Variants in RNF32 observed in about 807,000 individuals in gnomAD.
The protein encoded by RNF32 is ring finger protein 32.
RNF32 carries 36 observed loss-of-function variants against 41.0 expected under a neutral mutation model. That is an observed-to-expected ratio of 0.88 (90% CI 0.67 to 1.16). The LOEUF (loss-of-function observed/expected upper bound fraction) is 1.16. Ranked by LOEUF, RNF32 falls within the 50% of genes most tolerant of loss-of-function variation. RNF32 has a pLI of 0.00. For missense variants in RNF32, 413 were observed against 436.7 expected, an observed-to-expected ratio of 0.95 and a Z score of 0.48; for synonymous variants, 154 against 160.9, an observed-to-expected ratio of 0.96 and a Z score of 0.32.
chr7:156,671,918 A>G (rs1303686018), intron 7 of RNF32, among the ~76,000 whole-genome samples: 1 of 152,244 alleles, frequency 6.6e-6, no homozygotes, highest in South Asian at 2.1e-4. Flanking sequence ...AGACAAAATT[A>G]TAATGGAAAT....
At chr7:156,665,295 G>A (rs946906980) in intron 7 of RNF32, among the ~76,000 whole-genome samples, 10 of 152,076 alleles carry the variant, frequency 6.6e-5, no homozygotes, top group African/African-American at 1.2e-4. Flanking sequence ...GTTTTTCTGC[G>A]TAGTATGGGA....
chr7:156,658,450 T>C lies in RNF32; in HGVS notation c.576-12T>C, dbSNP rs779828932. ...ATCATAAATTAGTCATTTTCAAATA[T>C]CTGTGTTTTAGAATCCAAGCCTACT... On this transcript the variant is annotated splice_polypyrimidine_tract_variant and intron_variant, in intron 6 of 8. Coordinates refer to ENST00000317955, the MANE Select transcript of RNF32 (RefSeq NM_030936.4). 4 of 1,599,118 alleles carry C rather than the reference T, an allele frequency of 2.5e-6. No homozygotes were observed. In the South Asian group the frequency reaches 4.4e-5, roughly 18 times the overall value.
chr7:156,654,501 G>T (rs1799296145), intron 3 of RNF32, 75 bp from the exon 4 acceptor site: 13 of 1,267,812 alleles, frequency 1.0e-5, no homozygotes, highest in Non-Finnish European at 1.4e-5. Context: ...TTTGCAAATG[G>T]TGTCATTAAA....
chr7:156,643,874 C>T lies in RNF32; in HGVS notation c.-4C>T. 1.9e-6 allele frequency: 3 copies of T among 1,611,192 alleles called. No homozygotes were observed. The highest frequency in any genetic ancestry group is 1.1e-5 in the South Asian group (1 of 90,920). ...AGCCAAGCAACAACTTTTCCTAATTCGGCATGTTAAAAAATAAGGTACGCT... is the reference window on the plus strand; with the variant it reads ...AGCCAAGCAACAACTTTTCCTAATTTGGCATGTTAAAAAATAAGGTACGCT... On this transcript the variant is annotated 5_prime_UTR_variant, in exon 2 of 9. Transcript: ENST00000317955.
chr7:156,658,091 T>G, intron 5 of RNF32, 37 bp from the exon 6 acceptor site: 1 of 1,595,756 alleles, frequency 6.3e-7, no homozygotes, highest in South Asian at 1.1e-5. Context: ...TTATAAGTAA[T>G]TACTTGTAAA....
At chr7:156,653,222 C>T (rs1799029665) in intron 3 of RNF32, among the ~76,000 whole-genome samples, 1 of 152,152 alleles carries the variant, frequency 6.6e-6, no homozygotes, top group Admixed American at 6.6e-5. Context: ...TGTTTGGAAG[C>T]ACAGATCCTT....
chr7:156,667,410 A>G (rs1801505225), intron 7 of RNF32, among the ~76,000 whole-genome samples: 1 of 152,216 alleles, frequency 6.6e-6, no homozygotes. Flanking sequence ...CAATAACTCA[A>G]ACTCTTATTT....
chr7:156,664,344 C>T (rs1245872638), intron 7 of RNF32, among the ~76,000 whole-genome samples: 1 of 152,080 alleles, frequency 6.6e-6, no homozygotes, highest in Non-Finnish European at 1.5e-5. Flanking sequence ...GCCTGTAATC[C>T]CAGCTACTCA....
intron 3 of RNF32, among the ~76,000 whole-genome samples, chr7:156,650,263 TCAA>T (rs969580412): frequency 3.3e-4 from 50 of 152,278 alleles, no homozygotes; most frequent in African/African-American, 1.1e-3. Context: ...GGGTCAGTCC[TCAA>T]CAACAAGGGA....
rs752508073 is a variant in RNF32 at position 156,676,461 on chromosome 7, CCT to C, written c.901_902del (p.Ser301ArgfsTer60). ...CCACGAGTGCTCCATCTGCCTGGCC[CCT>C]CTCTCCGCTGCTGGCGGTCAGCGCG... ...ETHECSICLAPLSAAGGQRVG... is the reference protein window; with the variant it reads ...ETHECSICLAXLSAAGGQRVG... On this transcript the variant is annotated frameshift_variant, in exon 9 of 9. Coordinates refer to ENST00000317955, the MANE Select transcript of RNF32 (RefSeq NM_030936.4). LOFTEE classifies it low-confidence loss of function (END_TRUNC). The C allele has an allele frequency of 5.6e-6, 9 of 1,614,078 alleles. No homozygotes were observed. The highest frequency in any genetic ancestry group is 3.3e-5 in the Admixed American group (2 of 60,022).
chr7:156,676,385 C>T, intron 8 of RNF32, 34 bp from the exon 9 acceptor site: 1 of 1,614,024 alleles, frequency 6.2e-7, no homozygotes, highest in African/African-American at 1.3e-5. Flanking sequence ...ATGAAACTAA[C>T]CCGCGTGGCC....
At chr7:156,644,002 A>T in intron 2 of RNF32, 110 bp downstream of exon 2, 1 of 956,860 alleles carries the variant, frequency 1.0e-6, no homozygotes, top group Non-Finnish European at 1.7e-6. Context: ...TGAACTAGGA[A>T]TTGTCAGCAG....
intron 3 of RNF32, among the ~76,000 whole-genome samples, chr7:156,651,240 G>T (rs1798685671): frequency 7.0e-6 from 1 of 143,530 alleles, no homozygotes; most frequent in African/African-American, 2.6e-5. Context: ...TTGACACACA[G>T]TCTTGCTCTG....
intron 7 of RNF32, among the ~76,000 whole-genome samples, chr7:156,664,613 C>T (rs1349236115): frequency 6.6e-6 from 1 of 152,122 alleles, no homozygotes; most frequent in Non-Finnish European, 1.5e-5. Context: ...TTAGGGGTTG[C>T]ATCTATTTTA....
chr7:156,656,369 G>A (rs190740086), intron 4 of RNF32, among the ~76,000 whole-genome samples: 140 of 152,242 alleles, frequency 9.2e-4, no homozygotes, highest in African/African-American at 3.0e-3. Flanking sequence ...ATATACTGAC[G>A]TCTAATGTTG....
chr7:156,644,897 G>A (rs1249853811), intron 3 of RNF32, 140 bp downstream of exon 3: 3 of 818,102 alleles, frequency 3.7e-6, no homozygotes, highest in Admixed American at 3.4e-5. Flanking sequence ...AGGTATGTAT[G>A]TATTGAAGTT....
chr7:156,642,346 T>C (rs1043759134), intron 1 of RNF32, among the ~76,000 whole-genome samples: 7 of 152,146 alleles, frequency 4.6e-5, no homozygotes, highest in African/African-American at 1.7e-4. Flanking sequence ...ACATATGAGC[T>C]CTACATTTAA....
chr7:156,654,486 C>T, intron 3 of RNF32, 90 bp from the exon 4 acceptor site: 1 of 1,126,104 alleles, frequency 8.9e-7, no homozygotes, highest in Non-Finnish European at 1.3e-6. Flanking sequence ...GTTCTTTAAT[C>T]TTTGTTTGCA....
At position 156,675,933 on chromosome 7, in the gene RNF32, G is replaced by A. The variant is rs1008692938; in HGVS notation, c.852+70G>A. On this transcript the variant is annotated intron_variant, in intron 8 of 8. Coordinates refer to ENST00000317955, the MANE Select transcript of RNF32 (RefSeq NM_030936.4). Reference sequence around the variant, plus strand: ...CTGCAGAGGCTGTGGGGAGTGGCATGTGGGGGGAGGTCGAGGACTCACTTT... The same window carrying A: ...CTGCAGAGGCTGTGGGGAGTGGCATATGGGGGGAGGTCGAGGACTCACTTT... 4.7e-6 allele frequency: 7 copies of A among 1,494,398 alleles called. No homozygotes were observed. The Admixed American group carries it at 5.1e-5, about 11-fold the overall frequency. 92.6% of individuals were successfully genotyped at this position (1,494,398 alleles called of 1,614,324 possible).
Sources: gnomAD v4.1 joint callset for allele counts (sites outside exome capture counted in the v4.1 genomes callset) on GRCh38, gnomAD v4.1.1 for gene constraint, MANE v1.5 for transcripts, NCBI Gene and HGNC (gene_info 2026-07-23, HGNC 2026-07-21) for gene names.